VWF: variants seen among roughly 807,000 people sequenced by gnomAD.
VWF encodes the protein Factor VIII related antigen.
A neutral mutation model predicts 308.6 loss-of-function variants in VWF; 176 were observed. The ratio of observed to expected loss-of-function variants is 0.57; its 90% CI spans 0.50 to 0.65. The LOEUF is 0.65. Among genes scored for constraint, VWF ranks in the 30% least tolerant of loss-of-function variants. The pLI is 0.00. For synonymous variants in VWF, 1,385 were observed against 1,443.4 expected, an observed-to-expected ratio of 0.96 and a Z score of 0.92; for missense variants, 3,146 against 3,648.2, an observed-to-expected ratio of 0.86 and a Z score of 3.55.
chr12:6,037,503 T>A (rs1008736674), intron 18 of VWF, among the ~76,000 whole-genome samples: 1 of 152,142 alleles, frequency 6.6e-6, no homozygotes, highest in Non-Finnish European at 1.5e-5. Context: ...CATGTTGTAT[T>A]CCTCCGGTCT....
chr12:5,972,615 C>T (rs1943489596), intron 43 of VWF, among the ~76,000 whole-genome samples: 1 of 152,142 alleles, frequency 6.6e-6, no homozygotes, highest in Non-Finnish European at 1.5e-5. Flanking sequence ...TCTGGACGGT[C>T]TCAACACTCC....
At chr12:6,052,916 C>G (rs934576194) in intron 15 of VWF, 133 bp from the exon 16 acceptor site, 124 of 1,341,304 alleles carry the variant, frequency 9.2e-5, no homozygotes, top group Non-Finnish European at 1.2e-4. Flanking sequence ...TAATTGTAGA[C>G]TTGCTTGCAA....
Position 6,075,728 on chromosome 12 carries a change from G to C in VWF, c.658-177C>G, listed in dbSNP as rs1414405880. On this transcript the variant is annotated intron_variant, in intron 6 of 51. Transcript: ENST00000261405. The surrounding 1 kb of genome is among the most constrained non-coding windows in gnomAD (Gnocchi z 4.7). Reference sequence around the variant, plus strand: ...CCCATCGACCAAGGAAAAGATGCTGGACCCGTGCAATGTGAAGTAGACCAA... The same window carrying C: ...CCCATCGACCAAGGAAAAGATGCTGCACCCGTGCAATGTGAAGTAGACCAA... Among the ~76,000 whole-genome samples, 1 of 152,244 alleles carries C rather than the reference G, an allele frequency of 6.6e-6. No individual in the cohort carries two copies. Among genetic ancestry groups the C allele is most frequent in the Non-Finnish European group, 1.5e-5 (1 of 68,038 alleles).
intron 6 of VWF, among the ~76,000 whole-genome samples, chr12:6,090,616 TC>T (rs1945022982): frequency 3.0e-5 from 3 of 98,574 alleles, no homozygotes; most frequent in Non-Finnish European, 6.1e-5. Flanking sequence ...CTCCTCCTCC[TC>T]CTCCTCCTCC....
At chr12:6,074,336 C>T (rs756435101) in intron 7 of VWF, among the ~76,000 whole-genome samples, 4 of 152,164 alleles carry the variant, frequency 2.6e-5, no homozygotes, top group South Asian at 2.1e-4. Flanking sequence ...CCTCCTTCCT[C>T]TCTCTACCCT....
chr12:5,953,693 G>A lies in VWF; in HGVS notation c.7888-99C>T, dbSNP rs1046931030. ...GCTGGCCTCTCATCTCTCTCATCCA[G>A]TAGTTTCACCTAGAATTCGGAAAGT... On this transcript the variant is annotated intron_variant, in intron 47 of 51. Transcript: ENST00000261405. 80 of 935,574 alleles carry A rather than the reference G, an allele frequency of 8.6e-5. No individual in the cohort carries two copies. In the African/African-American group the frequency reaches 1.1e-3, roughly 13 times the overall value. The allele number at this position is 935,574 out of a possible 1,614,324, so 58.0% of individuals were successfully genotyped here. A position where few individuals can be genotyped will look rare whatever the true frequency, so the allele number is the denominator to read the frequency against.
At chr12:6,107,962 G>A (rs1023492840) in intron 5 of VWF, among the ~76,000 whole-genome samples, 2 of 151,774 alleles carry the variant, frequency 1.3e-5, no homozygotes, top group Non-Finnish European at 2.9e-5. Flanking sequence ...CCAGCCGAAA[G>A]ATTCAGTATT....
chr12:6,088,145 T>C (rs1944993142), intron 6 of VWF, among the ~76,000 whole-genome samples: 1 of 152,222 alleles, frequency 6.6e-6, no homozygotes. Context: ...ATGTTTATCT[T>C]GGCCGTTTCC....
chr12:6,023,833 G>A, intron 24 of VWF, 46 bp from the exon 25 acceptor site: 1 of 1,604,230 alleles, frequency 6.2e-7, no homozygotes, highest in Non-Finnish European at 8.5e-7. Context: ...CCAGGTGTCA[G>A]GAACTCTGGC....
In VWF at chr12:6,058,239, A is replaced by C. The variant is rs1435061327; in HGVS notation, c.1534-195T>G. Reference sequence around the variant, plus strand: ...AAGTGAACTGCAGTGTAAATTTACCAGCTCCATCCCTGTTCCCAAATCATC... The same window carrying C: ...AAGTGAACTGCAGTGTAAATTTACCCGCTCCATCCCTGTTCCCAAATCATC... On this transcript the variant is annotated intron_variant, in intron 13 of 51. Coordinates refer to ENST00000261405, the MANE Select transcript of VWF (RefSeq NM_000552.5). The surrounding 1 kb of genome is among the most constrained non-coding windows in gnomAD (Gnocchi z 4.9). Among the ~76,000 whole-genome samples, 1 of 152,248 alleles carries C rather than the reference A, an allele frequency of 6.6e-6. No homozygotes were observed. The highest frequency in any genetic ancestry group is 2.4e-5 in the African/African-American group (1 of 41,466).
At chr12:6,100,775 G>A (rs575154153) in intron 5 of VWF, among the ~76,000 whole-genome samples, 1 of 152,258 alleles carries the variant, frequency 6.6e-6, no homozygotes, top group East Asian at 1.9e-4. Flanking sequence ...ATAGCATTAG[G>A]AGATATACCT....
chr12:5,976,162 G>T lies in VWF; in HGVS notation c.7386C>A (p.Gly2462=). The stretch of plus-strand genomic sequence containing the variant: ...TCTGGGAGCACTGGGCCACGCGGAG[G>T]CCCATCACGGCATCCTCCATGTCGG... The part of the protein sequence containing the change: ...TCTDMEDAVM[G]LRVAQCSQKP... The change falls in exon 43 of 52, where the codon GGC becomes GGA. Residue 2462 remains glycine (G), a synonymous_variant. Coordinates refer to ENST00000261405, the MANE Select transcript of VWF (RefSeq NM_000552.5). 6.2e-7 allele frequency: 1 copy of T among 1,614,112 alleles called. No individual in the cohort carries two copies. Among genetic ancestry groups the T allele is most frequent in the Middle Eastern group, 1.7e-4 (1 of 6,048 alleles).
chr12:5,965,608 T>C (rs1455334124), intron 47 of VWF, among the ~76,000 whole-genome samples: 1 of 152,132 alleles, frequency 6.6e-6, no homozygotes, highest in African/African-American at 2.4e-5. Flanking sequence ...TCCCTTTAGG[T>C]AAGAGCACTG....
intron 20 of VWF, among the ~76,000 whole-genome samples, chr12:6,033,513 A>G (rs999966675): frequency 3.3e-5 from 5 of 152,208 alleles, no homozygotes; most frequent in African/African-American, 4.8e-5. Context: ...TGGGCTGGGC[A>G]GTTGTTCTGC....
rs574341295 is a variant in VWF, at chr12:6,047,772, C to A, written c.2187-955G>T. Among the ~76,000 whole-genome samples, 3 of 152,358 alleles carry A rather than the reference C, an allele frequency of 2.0e-5. No individual in the cohort carries two copies. In the East Asian group the frequency reaches 5.8e-4, roughly 29 times the overall value. On this transcript the variant is annotated intron_variant, in intron 16 of 51. Coordinates refer to ENST00000261405, the MANE Select transcript of VWF (RefSeq NM_000552.5). Reference sequence around the variant, plus strand: ...TGTAAGATTCATCCCTGTGAAGACACGGACCACTTGTCTGTGACTTCTGTT... The same window carrying A: ...TGTAAGATTCATCCCTGTGAAGACAAGGACCACTTGTCTGTGACTTCTGTT...
At chr12:6,062,356 T>C (rs958726187) in intron 13 of VWF, among the ~76,000 whole-genome samples, 3 of 152,076 alleles carry the variant, frequency 2.0e-5, no homozygotes, top group South Asian at 2.1e-4. Flanking sequence ...CTCCACTTCC[T>C]GTGCCCTGGT....
chr12:5,949,861 G>A lies in VWF; in HGVS notation c.8178C>T (p.Asp2726=). 1 of 1,613,862 alleles carries A rather than the reference G, an allele frequency of 6.2e-7. No individual in the cohort carries two copies. The highest frequency in any genetic ancestry group is 8.5e-7 in the Non-Finnish European group (1 of 1,180,020). Reference sequence around the variant, plus strand: ...TGACATACTGCAGCCTGGCAGTGATGTCGTTGCACTCAGGCTCCTCACCTA... The same window carrying A: ...TGACATACTGCAGCCTGGCAGTGATATCGTTGCACTCAGGCTCCTCACCTA... ...CDTCEEPECN[D]ITARLQYVKV... The change falls in exon 51 of 52, where the codon GAC becomes GAT. Residue 2726 remains aspartate, a synonymous_variant. Coordinates refer to ENST00000261405, the MANE Select transcript of VWF (RefSeq NM_000552.5).
chr12:6,101,689 T>C (rs1260400781), intron 5 of VWF, among the ~76,000 whole-genome samples: 1 of 152,014 alleles, frequency 6.6e-6, no homozygotes, highest in Non-Finnish European at 1.5e-5. Flanking sequence ...GGCAGGACAA[T>C]TGCTTGAACC....
At chr12:6,112,827 GACAC>G (rs58457258) in intron 3 of VWF, among the ~76,000 whole-genome samples, 273 of 145,138 alleles carry the variant, frequency 1.9e-3, no homozygotes, top group East Asian at 7.5e-3. Flanking sequence ...CAGACACACA[GACAC>G]ACACACACAC....
Sources: gnomAD v4.1 joint callset for allele counts (sites outside exome capture counted in the v4.1 genomes callset) on GRCh38, gnomAD v4.1.1 for gene constraint, Gnocchi (gnomAD v3.1) non-coding constraint, MANE v1.5 for transcripts, NCBI Gene and HGNC (gene_info 2026-07-23, HGNC 2026-07-21) for gene names.